CEP83: variants seen among roughly 807,000 people sequenced by gnomAD.
The protein encoded by CEP83 is centrosomal protein 83.
A neutral mutation model predicts 101.9 loss-of-function variants in CEP83; 70 were observed. The ratio of observed to expected loss-of-function variants is 0.69; its 90% CI spans 0.57 to 0.84. The LOEUF is 0.84. CEP83 is among the 40% of genes least tolerant of loss of function. The pLI is 0.00. For missense variants in CEP83, 715 were observed against 787.2 expected (o/e 0.91, Z 1.10); for synonymous variants, 264 against 267.9 (o/e 0.99, Z 0.14).
intron 11 of CEP83, among the ~76,000 whole-genome samples, chr12:94,354,367 G>A (rs2060345784): frequency 1.3e-5 from 2 of 151,924 alleles, no homozygotes; most frequent in African/African-American, 2.4e-5. Flanking sequence ...TGTATTTTTA[G>A]TAGGGACAAG....
At chr12:94,289,727 C>G in the CEP83 span, among the ~76,000 whole-genome samples, 2 of 152,176 alleles carry the variant, frequency 1.3e-5, no homozygotes, top group Non-Finnish European at 2.9e-5. Flanking sequence ...AAACCTTTCC[C>G]CCACAAACAT....
intron 1 of CEP83, among the ~76,000 whole-genome samples, chr12:94,437,352 TAC>T (rs757157173): frequency 6.6e-6 from 1 of 151,792 alleles, no homozygotes; most frequent in Non-Finnish European, 1.5e-5. Flanking sequence ...CTAAAACACA[TAC>T]ACACACACAA....
chr12:94,372,874 G>T (rs139680980), intron 8 of CEP83, among the ~76,000 whole-genome samples: 17 of 152,094 alleles, frequency 1.1e-4, no homozygotes, highest in Admixed American at 3.9e-4. Flanking sequence ...TTTCTTTATT[G>T]CCTTATTTCT....
At chr12:94,407,146 T>G (rs1318627876) in intron 4 of CEP83, among the ~76,000 whole-genome samples, 1 of 151,902 alleles carries the variant, frequency 6.6e-6, no homozygotes, top group Non-Finnish European at 1.5e-5. Flanking sequence ...ATGGCAGAAC[T>G]TTAAGTGGTC....
At chr12:94,447,189 G>A (rs1243771600) in intron 1 of CEP83, among the ~76,000 whole-genome samples, 2 of 152,176 alleles carry the variant, frequency 1.3e-5, no homozygotes, top group Non-Finnish European at 1.5e-5. Context: ...AACAATGGAA[G>A]TCCCTCAGGA....
intron 1 of CEP83, among the ~76,000 whole-genome samples, chr12:94,445,657 A>T (rs1457431792): frequency 6.6e-6 from 1 of 152,222 alleles, no homozygotes; most frequent in African/African-American, 2.4e-5. Context: ...AACAATCAAA[A>T]TTTTTTTAAT....
chr12:94,313,067 A>G, intron 14 of CEP83, 50 bp from the exon 15 acceptor site: 1 of 799,492 alleles, frequency 1.3e-6, no homozygotes, highest in Non-Finnish European at 2.0e-6. Flanking sequence ...CTCTTATTTG[A>G]ACAAAACTAT....
intron 6 of CEP83, among the ~76,000 whole-genome samples, chr12:94,399,549 G>C (rs2137550552): frequency 6.6e-6 from 1 of 152,256 alleles, no homozygotes; most frequent in African/African-American, 2.4e-5. Flanking sequence ...ATCTCTACAA[G>C]AGTTTTTGTA....
chr12:94,288,111 T>G, the CEP83 span, among the ~76,000 whole-genome samples: 8 of 152,258 alleles, frequency 5.3e-5, no homozygotes, highest in Non-Finnish European at 1.0e-4. Flanking sequence ...CGAGGCAGCC[T>G]GGCTAGAGAG....
intron 1 of CEP83, among the ~76,000 whole-genome samples, chr12:94,438,186 T>C (rs1322394724): frequency 6.6e-6 from 1 of 150,682 alleles, no homozygotes; most frequent in Non-Finnish European, 1.5e-5. Context: ...GTCATTGCAC[T>C]CTAGCCTGGG....
intron 13 of CEP83, among the ~76,000 whole-genome samples, chr12:94,332,728 T>G (rs1214498144): frequency 1.3e-5 from 2 of 152,142 alleles, no homozygotes; most frequent in East Asian, 3.8e-4. Context: ...TTCCTTTTCT[T>G]GAAATTCAAC....
chr12:94,349,483 C>T (rs531501327), intron 11 of CEP83, among the ~76,000 whole-genome samples: 6 of 152,146 alleles, frequency 3.9e-5, no homozygotes, highest in Middle Eastern at 3.4e-3. Flanking sequence ...TTGCACCAAC[C>T]TAATAATACA....
At chr12:94,297,287 G>A in the CEP83 span, 2 of 1,612,526 alleles carry the variant, frequency 1.2e-6, no homozygotes, top group Non-Finnish European at 1.7e-6. Flanking sequence ...TGGTCTCCTT[G>A]GGTAACGCTT....
At chr12:94,325,716 T>C (rs969201553) in intron 14 of CEP83, among the ~76,000 whole-genome samples, 2 of 152,046 alleles carry the variant, frequency 1.3e-5, no homozygotes, top group African/African-American at 2.4e-5. Context: ...ATGTTAGTAA[T>C]AGGAATGAAA....
At chr12:94,311,711 A>G (rs1224553386) in intron 15 of CEP83, among the ~76,000 whole-genome samples, 2 of 152,240 alleles carry the variant, frequency 1.3e-5, no homozygotes, top group East Asian at 1.9e-4. Flanking sequence ...AAGCTACACA[A>G]CTTTAGGAAA....
chr12:94,343,318 C>T (rs1247176417), intron 11 of CEP83, among the ~76,000 whole-genome samples: 3 of 151,942 alleles, frequency 2.0e-5, no homozygotes, highest in African/African-American at 4.8e-5. Context: ...GTGAGACTGT[C>T]GCCTTAAATT....
intron 2 of CEP83, among the ~76,000 whole-genome samples, chr12:94,430,616 T>C (rs2065547992): frequency 6.6e-6 from 1 of 152,094 alleles, no homozygotes; most frequent in South Asian, 2.1e-4. Flanking sequence ...CTTTGTGACA[T>C]ATGGGCACCA....
chr12:94,360,697 A>G (rs2060709686), intron 11 of CEP83, among the ~76,000 whole-genome samples: 1 of 152,132 alleles, frequency 6.6e-6, no homozygotes, highest in Admixed American at 6.5e-5. Flanking sequence ...TCTACAGTCA[A>G]TGCAATTTCT....
the CEP83 span, among the ~76,000 whole-genome samples, chr12:94,286,290 C>A: frequency 6.6e-6 from 1 of 152,058 alleles, no homozygotes; most frequent in Admixed American, 6.6e-5. Context: ...AACCAGAGAG[C>A]CTGAAGGAAA....
Sources: allele counts gnomAD v4.1 joint callset (sites outside exome capture counted in the v4.1 genomes callset), GRCh38; gene constraint gnomAD v4.1.1; transcripts MANE v1.5; gene names NCBI Gene and HGNC (gene_info 2026-07-23, HGNC 2026-07-21).